Variants in ELOVL6 observed in about 807,000 individuals in gnomAD.
The protein encoded by ELOVL6 is very long chain fatty acid elongase 6.
ELOVL6 carries 8 observed loss-of-function variants against 31.7 expected under a neutral mutation model. That is an observed-to-expected ratio of 0.25 (90% CI 0.15 to 0.45). The LOEUF is 0.45. Among genes scored for constraint, ELOVL6 ranks in the 20% least tolerant of loss-of-function variants. The pLI is 1.00. For synonymous variants in ELOVL6, 101 were observed against 117.7 expected (o/e 0.86, Z 0.92); for missense variants, 126 against 326.4 (o/e 0.39, Z 4.73).
At chr4:110,082,590 G>A (rs2126232358) in intron 2 of ELOVL6, among the ~76,000 whole-genome samples, 1 of 151,924 alleles carries the variant, frequency 6.6e-6, no homozygotes, top group Non-Finnish European at 1.5e-5. Context: ...ACCAGGGCCT[G>A]TTGTGGGGTG....
In ELOVL6 at chr4:110,092,135, T is replaced by C. The variant is rs749179091; in HGVS notation, c.221+13362A>G. Among the ~76,000 whole-genome samples the C allele has an allele frequency of 3.9e-5, 6 of 152,182 alleles. No homozygotes were observed. In the East Asian group the frequency reaches 1.2e-3, roughly 29 times the overall value. ...CAACCAGTGAAATTAGTCCATTTAC[T>C]AGTAGCTCTGGCTAACAAGAGTTGC... On this transcript the variant is annotated intron_variant, in intron 2 of 3. Transcript: ENST00000302274.
intron 3 of ELOVL6, among the ~76,000 whole-genome samples, chr4:110,053,173 C>G (rs574360648): frequency 6.6e-6 from 1 of 152,316 alleles, no homozygotes; most frequent in East Asian, 1.9e-4. Flanking sequence ...CCTCGGCCTC[C>G]TAAAGTGCTG....
At chr4:110,084,120 A>G (rs935286147) in intron 2 of ELOVL6, among the ~76,000 whole-genome samples, 5 of 83,156 alleles carry the variant, frequency 6.0e-5, no homozygotes, top group Non-Finnish European at 2.0e-5. Context: ...TGATATATAT[A>G]ACATATATGT....
rs1553956171 is a variant in ELOVL6 at position 110,084,425 on chromosome 4, A to ATATATGATATATCGCATATAT, written c.221+21071_221+21072insATATATGCGATATATCATATA. On this transcript the variant is annotated intron_variant, in intron 2 of 3. Transcript: ENST00000302274. ...TGATATATGACATACATGATATATC[A>ATATATGATATATCGCATATAT]CATATATCATATATGATATATCGCA... is the stretch of plus-strand genomic sequence containing the variant. Among the ~76,000 whole-genome samples, 11 of 63,638 alleles carry ATATATGATATATCGCATATAT rather than the reference A, an allele frequency of 1.7e-4. 1 individual carries two copies. The highest frequency in any genetic ancestry group is 3.5e-4 in the Admixed American group (2 of 5,762). 41.7% of individuals were successfully genotyped at this position (63,638 alleles called of 152,430 possible). A position where few individuals can be genotyped will look rare whatever the true frequency, so the allele number is the denominator to read the frequency against.
chr4:110,099,167 A>G (rs2126243520), intron 2 of ELOVL6, among the ~76,000 whole-genome samples: 1 of 152,294 alleles, frequency 6.6e-6, no homozygotes, highest in African/African-American at 2.4e-5. Flanking sequence ...ATAATTCTTC[A>G]GATATTAAAC....
intron 1 of ELOVL6, among the ~76,000 whole-genome samples, chr4:110,131,497 G>T (rs1164849600): frequency 1.3e-5 from 2 of 151,994 alleles, no homozygotes; most frequent in Admixed American, 1.3e-4. Context: ...ATGAACGAGG[G>T]CTCCAGCTGG....
intron 1 of ELOVL6, among the ~76,000 whole-genome samples, chr4:110,186,009 G>A (rs1759426827): frequency 6.6e-6 from 1 of 152,062 alleles, no homozygotes; most frequent in African/African-American, 2.4e-5. Context: ...GGCTAACATG[G>A]TGAAACCCTG....
chr4:110,103,881 A>G (rs1756817995), intron 2 of ELOVL6, among the ~76,000 whole-genome samples: 1 of 152,254 alleles, frequency 6.6e-6, no homozygotes, highest in South Asian at 2.1e-4. Context: ...AGAACAAATT[A>G]TTAATTTAGG....
chr4:110,084,339 TATATGATATATGATATATAC>T (rs1560814939), intron 2 of ELOVL6, among the ~76,000 whole-genome samples: 5 of 123,118 alleles, frequency 4.1e-5, no homozygotes, highest in African/African-American at 6.1e-5. Context: ...ATATATCACA[TATATGATATATGATATATAC>T]CGCATATATG....
chr4:110,110,357 T>C (rs372670554), intron 1 of ELOVL6, among the ~76,000 whole-genome samples: 176 of 140,750 alleles, frequency 1.3e-3, no homozygotes, highest in African/African-American at 4.5e-3. Context: ...AGACTTCATA[T>C]AGGCATTTTT....
chr4:110,189,513 G>C (rs1759545374), intron 1 of ELOVL6, among the ~76,000 whole-genome samples: 1 of 138,498 alleles, frequency 7.2e-6, no homozygotes, highest in African/African-American at 2.7e-5. Context: ...CTTGAACCCA[G>C]AAGGTGGGAG....
At chr4:110,065,554 G>A (rs530690571) in intron 2 of ELOVL6, among the ~76,000 whole-genome samples, 1 of 152,332 alleles carries the variant, frequency 6.6e-6, no homozygotes, top group East Asian at 1.9e-4. Context: ...AGTGCAGGAT[G>A]TCGAGCCTGC....
intron 1 of ELOVL6, among the ~76,000 whole-genome samples, chr4:110,182,616 T>C (rs1218245407): frequency 1.3e-5 from 2 of 152,048 alleles, no homozygotes; most frequent in East Asian, 3.9e-4. Flanking sequence ...TATAGAAAAC[T>C]GGAACAGGGA....
At chr4:110,100,896 T>C (rs928049486) in intron 2 of ELOVL6, among the ~76,000 whole-genome samples, 1 of 152,224 alleles carries the variant, frequency 6.6e-6, no homozygotes, top group Non-Finnish European at 1.5e-5. Flanking sequence ...TAGACAATAG[T>C]TGAAAATGCA....
intron 1 of ELOVL6, among the ~76,000 whole-genome samples, chr4:110,166,186 G>T (rs545659305): frequency 6.6e-6 from 1 of 152,310 alleles, no homozygotes; most frequent in East Asian, 1.9e-4. Context: ...GGACTGCAGT[G>T]TTCTTTGACA....
At chr4:110,092,979 T>A (rs1756467831) in intron 2 of ELOVL6, 1 of 302,154 alleles carries the variant, frequency 3.3e-6, no homozygotes, top group Non-Finnish European at 6.5e-6. Flanking sequence ...GTATATTACA[T>A]CCTAAACTAA....
At chr4:110,129,891 A>ATTTTTTTTTTT in intron 1 of ELOVL6, among the ~76,000 whole-genome samples, 1 of 93,538 alleles carries the variant, frequency 1.1e-5, no homozygotes, top group Non-Finnish European at 1.9e-5. Context: ...ATCCAATCCA[A>ATTTTTTTTTTT]TTTTTTTTTT....
chr4:110,129,378 G>A (rs1031952318), intron 1 of ELOVL6, among the ~76,000 whole-genome samples: 7 of 152,168 alleles, frequency 4.6e-5, no homozygotes, highest in Admixed American at 1.3e-4. Flanking sequence ...CAGGATAGAT[G>A]TTATAGTAAG....
intron 1 of ELOVL6, among the ~76,000 whole-genome samples, chr4:110,185,508 A>G (rs1376217821): frequency 6.6e-6 from 1 of 152,232 alleles, no homozygotes; most frequent in East Asian, 1.9e-4. Flanking sequence ...AGAGGTTTCT[A>G]GTAGGTAATA....
Sources: allele counts gnomAD v4.1 joint callset (sites outside exome capture counted in the v4.1 genomes callset), GRCh38; gene constraint gnomAD v4.1.1; transcripts MANE v1.5; gene names NCBI Gene and HGNC (gene_info 2026-07-23, HGNC 2026-07-21).